Variants in MZT2A observed in about 807,000 individuals in gnomAD.
The protein encoded by MZT2A is mitotic-spindle organizing protein 2A.
In MZT2A, 8 loss-of-function variants were observed where a neutral mutation model predicts 12.4. The observed-to-expected ratio is 0.64, with a 90% CI of 0.38 to 1.16. The LOEUF (loss-of-function observed/expected upper bound fraction) is 1.16, where lower values mean the gene tolerates loss of function less well. Ranked by LOEUF, MZT2A falls within the 50% of genes most tolerant of loss-of-function variation. MZT2A has a pLI of 0.01. For synonymous variants in MZT2A, 88 were observed against 107.5 expected, an observed-to-expected ratio of 0.82 and a Z score of 1.12; for missense variants, 181 against 223.6, an observed-to-expected ratio of 0.81 and a Z score of 1.22.
chr2:131,476,310 A>T (rs1678665016), intron 2 of MZT2A: 1 of 1,585,834 alleles, frequency 6.3e-7, no homozygotes, highest in African/African-American at 1.4e-5. Flanking sequence ...GAGGCCAGAG[A>T]AGGACGCAGG....
At chr2:131,487,010 T>G (rs1252389730) in intron 2 of MZT2A, among the ~76,000 whole-genome samples, 1 of 152,112 alleles carries the variant, frequency 6.6e-6, no homozygotes, top group African/African-American at 2.4e-5. Flanking sequence ...AAACCAGCTT[T>G]GCTTAGCCCT....
chr2:131,485,756 G>A (rs114362950), intron 2 of MZT2A, among the ~76,000 whole-genome samples: 1,926 of 152,160 alleles, frequency 0.013, 41 homozygotes, highest in African/African-American at 0.044. Context: ...CAAATACCCT[G>A]CAAAGGGAAA....
upstream of MZT2A, chr2:131,492,787 GGGT>G (rs1414523935): frequency 2.7e-5 from 36 of 1,356,374 alleles, no homozygotes; most frequent in African/African-American, 5.0e-4. Context: ...TCTTCGGGGG[GGGT>G]GGGGGGCACT....
chr2:131,487,035 G>T (rs987131364), intron 2 of MZT2A, among the ~76,000 whole-genome samples: 2 of 152,118 alleles, frequency 1.3e-5, no homozygotes, highest in African/African-American at 4.8e-5. Flanking sequence ...CCTCGGGAGG[G>T]GCTACTGAGT....
chr2:131,474,405 CTTTT>C lies in MZT2A; in HGVS notation c.279-2227_279-2224del, dbSNP rs70994777. Among the ~76,000 whole-genome samples the C allele has an allele frequency of 5.2e-3, 490 of 94,810 alleles. 3 individuals carry two copies. The highest frequency in any genetic ancestry group is 7.3e-3 in the Non-Finnish European group (363 of 49,954). 62.2% of individuals were successfully genotyped at this position (94,810 alleles called of 152,430 possible). On this transcript the variant is annotated intron_variant and NMD_transcript_variant, in intron 2 of 4. Coordinates refer to the MZT2A transcript ENST00000427024. ...AGCCACCGCGCCCAGTCTTCTTCTT[CTTTT>C]TTTTTTTTTTTTTTTTTTGAGATGG... is the stretch of plus-strand genomic sequence containing the variant.
chr2:131,477,095 T>G (rs1217488238), intron 2 of MZT2A, among the ~76,000 whole-genome samples: 1 of 151,464 alleles, frequency 6.6e-6, no homozygotes, highest in South Asian at 2.1e-4. Context: ...TGGAGCACAG[T>G]TGCAGGATCA....
chr2:131,472,188 T>G (rs1273336745), intron 2 of MZT2A: 1 of 1,285,918 alleles, frequency 7.8e-7, no homozygotes, highest in East Asian at 5.6e-5. Flanking sequence ...CAAGCCTGTT[T>G]GAATATGAGC....
At chr2:131,471,592 T>G (rs1573849974) in intron 3 of MZT2A, among the ~76,000 whole-genome samples, 1 of 151,340 alleles carries the variant, frequency 6.6e-6, no homozygotes, top group East Asian at 1.9e-4. Context: ...TTTTAACATA[T>G]GTCCTCTTTT....
chr2:131,477,260 A>G (rs1351600679), intron 2 of MZT2A, among the ~76,000 whole-genome samples: 4 of 151,572 alleles, frequency 2.6e-5, no homozygotes, highest in Non-Finnish European at 5.9e-5. Flanking sequence ...CTGGTCTCAA[A>G]CTGGTCCCAA....
At chr2:131,476,252 G>C (rs1678663662) in intron 2 of MZT2A, 1 of 1,613,524 alleles carries the variant, frequency 6.2e-7, no homozygotes, top group South Asian at 1.1e-5. Flanking sequence ...AGACGAAGTT[G>C]GCCTCGGGTG....
chr2:131,491,963 A>T lies in MZT2A; in HGVS notation c.232T>A (p.Ser78Thr), dbSNP rs775033003. 3.9e-6 allele frequency: 6 copies of T among 1,549,116 alleles called. No individual in the cohort carries two copies. The highest frequency in any genetic ancestry group is 3.9e-5 in the Admixed American group (2 of 51,834). The change falls in exon 2 of 3, where the codon TCC becomes ACC. Residue 78 changes from serine to threonine, a missense_variant. Ser to Thr is a moderately conservative substitution (Grantham distance 58). This residue lies in a region of MZT2A where 106 missense variants were observed against 127.2 expected (regional missense o/e 0.83). Coordinates refer to ENST00000309451, the MANE Select transcript of MZT2A (RefSeq NM_001085365.2). ...APLAVFQMLK[S>T]MCAGQRLASE... The stretch of plus-strand genomic sequence containing the variant: ...GCTAGCCTCTGCCCGGCACACATGG[A>T]CTTGAGCATCTGGAAGACGGCGAGG...
At chr2:131,479,492 C>T (rs1478278265), downstream of MZT2A, 7 of 1,605,680 alleles carry the variant, frequency 4.4e-6, no homozygotes, top group African/African-American at 8.1e-5. Flanking sequence ...CATTTTCTTG[C>T]ATGGGAGGGG....
At chr2:131,473,420 C>T (rs965919539) in intron 2 of MZT2A, among the ~76,000 whole-genome samples, 5 of 147,570 alleles carry the variant, frequency 3.4e-5, no homozygotes, top group Admixed American at 3.3e-4. Context: ...AGTCCCATCC[C>T]ACTGGGGGAG....
downstream of MZT2A, among the ~76,000 whole-genome samples, chr2:131,481,497 G>A (rs1156544544): frequency 2.0e-5 from 3 of 149,786 alleles, no homozygotes; most frequent in African/African-American, 7.4e-5. Context: ...ATGCAGTGGC[G>A]TGATCTTGAC....
Position 131,484,101 on chromosome 2 carries a change from C to G in MZT2A, c.437G>C (p.Gly146Ala). The change falls in exon 3 of 3, where the codon GGG (glycine) becomes GCG (alanine). Residue 146 changes from glycine (G) to alanine (A), a missense_variant. This residue lies in a region of MZT2A where 72 missense variants were observed against 76.9 expected (regional missense o/e 0.94). Coordinates refer to ENST00000309451, the MANE Select transcript of MZT2A (RefSeq NM_001085365.2). ...RQPSATRLPK[G>A]GGPGKSPTQG... The stretch of plus-strand genomic sequence containing the variant: ...CGTAGGGCTCTTCCCAGGCCCGCCC[C>G]CCTTGGGCAGCCTGGTAGCGCTGGG... The G allele has an allele frequency of 1.2e-6, 2 of 1,613,932 alleles. No homozygotes were observed.
upstream of MZT2A, chr2:131,492,716 A>G (rs900150391): frequency 5.5e-5 from 69 of 1,256,672 alleles, no homozygotes; most frequent in African/African-American, 8.6e-4. Context: ...CGCTCAGTCA[A>G]TACCTGTTTC....
chr2:131,483,475 C>T (rs139779366), downstream of MZT2A, among the ~76,000 whole-genome samples: 299 of 152,254 alleles, frequency 2.0e-3, no homozygotes, highest in African/African-American at 6.4e-3. Context: ...GCACTGTCAA[C>T]TGTCTTGGTA....
At chr2:131,479,237 A>C (rs1678768595), downstream of MZT2A, 22 of 1,554,386 alleles carry the variant, frequency 1.4e-5, no homozygotes, top group Non-Finnish European at 1.8e-5. Context: ...AGAAGTGAAC[A>C]CTCCTGGAAT....
At chr2:131,492,774 C>T, upstream of MZT2A, 1 of 1,026,536 alleles carries the variant, frequency 9.7e-7, no homozygotes, top group South Asian at 1.4e-5. Context: ...CACTAGGGGT[C>T]GCTCTTCGGG....
Sources: gnomAD v4.1 joint callset for allele counts (sites outside exome capture counted in the v4.1 genomes callset) on GRCh38, gnomAD v4.1.1 for gene constraint, gnomAD v4.1.1 regional missense constraint, MANE v1.5 for transcripts, NCBI Gene and HGNC (gene_info 2026-07-23, HGNC 2026-07-21) for gene names.